The following PCK2 variants were observed in gnomAD, a reference collection of about 807,000 sequenced individuals.
PCK2 encodes phosphoenolpyruvate carboxykinase 2, mitochondrial.
PCK2 carries 56 observed loss-of-function variants against 65.9 expected under a neutral mutation model. The observed-to-expected ratio is 0.85, with a 90% CI of 0.69 to 1.06. The LOEUF (loss-of-function observed/expected upper bound fraction) is 1.06. Among genes scored for constraint, PCK2 ranks in the 50% least tolerant of loss-of-function variants. PCK2 has a pLI of 0.00. For synonymous variants in PCK2, 305 were observed against 319.6 expected (o/e 0.95, Z 0.49); for missense variants, 843 against 863.1 (o/e 0.98, Z 0.29).
rs1257913147 is a variant in PCK2 at position 24,102,736 on chromosome 14, T to C, written c.1235-17T>C. 1.5e-5 allele frequency: 24 copies of C among 1,608,180 alleles called. No homozygotes were observed. Among genetic ancestry groups the C allele is most frequent in the Admixed American group, 1.0e-4 (6 of 59,422 alleles). On this transcript the variant is annotated splice_polypyrimidine_tract_variant and intron_variant, in intron 7 of 9. Coordinates refer to ENST00000216780, the MANE Select transcript of PCK2 (RefSeq NM_004563.4). ...ACATGACCTTGGAAATAATAGTGTT[T>C]GTATTTCCTCTGCCAGGTGACAAGG...
At chr14:24,098,003 C>A (rs2036969126) in intron 2 of PCK2, among the ~76,000 whole-genome samples, 200 bp from the exon 3 acceptor site, 1 of 151,398 alleles carries the variant, frequency 6.6e-6, no homozygotes, top group Admixed American at 6.6e-5. Flanking sequence ...TTGCCAGGGG[C>A]AGAGACCCCC....
chr14:24,102,821 G>A lies in PCK2; in HGVS notation c.1303G>A (p.Asp435Asn), dbSNP rs369939667. 3 of 1,613,934 alleles carry A rather than the reference G, an allele frequency of 1.9e-6. No homozygotes were observed. The highest frequency in any genetic ancestry group is 2.5e-6 in the Non-Finnish European group (3 of 1,179,924). ...CCCGGCTCGCCAGTGCCCCATCATGGACCCAGCCTGGGAGGCCCCAGAGGG... is the reference window on the plus strand; with the variant it reads ...CCCGGCTCGCCAGTGCCCCATCATGAACCCAGCCTGGGAGGCCCCAGAGGG... ...CAPARQCPIM[D>N]PAWEAPEGVP... The change falls in exon 8 of 10, where the codon GAC (aspartate) becomes AAC (asparagine). Residue 435 changes from aspartate (D) to asparagine (N), a missense_variant. Asp to Asn is a conservative substitution (Grantham distance 23). Transcript: ENST00000216780.
chr14:24,100,458 G>C (rs528339551), intron 7 of PCK2: 2 of 916,484 alleles, frequency 2.2e-6, no homozygotes, highest in South Asian at 2.1e-5. Flanking sequence ...AGTTGAATGA[G>C]GGTAGTTGTG....
chr14:24,102,439 C>A (rs1419897946), intron 7 of PCK2, among the ~76,000 whole-genome samples: 1 of 152,142 alleles, frequency 6.6e-6, no homozygotes, highest in African/African-American at 2.4e-5. Flanking sequence ...ATGCCCATAT[C>A]TAACCCCATT....
rs1184779512 is a variant in PCK2, at chr14:24,099,401, T to C, written c.853-157T>C. On this transcript the variant is annotated intron_variant, in intron 5 of 9. Transcript: ENST00000216780. ...GCCTCAGGCTGCTGAATGTTGAGGT[T>C]TCCCCTGCCACTAACCCAGGCCTGA... Among the ~76,000 whole-genome samples, 3 of 152,234 alleles carry C rather than the reference T, an allele frequency of 2.0e-5. No individual in the cohort carries two copies. The East Asian group carries it at 5.8e-4, about 29-fold the overall frequency.
Position 24,094,462 on chromosome 14 carries a change from C to A in PCK2, c.29+28C>A. Reference sequence around the variant, plus strand: ...GAGTGACCCCCGGCCCGGGGCCCACCCGCACCTTCCGCTGCGCTCGCCCCC... The same window carrying A: ...GAGTGACCCCCGGCCCGGGGCCCACACGCACCTTCCGCTGCGCTCGCCCCC... On this transcript the variant is annotated intron_variant, in intron 1 of 9. Transcript: ENST00000216780. The surrounding 1 kb of genome is among the most constrained non-coding windows in gnomAD (Gnocchi z 4.1). 1 of 1,512,970 alleles carries A rather than the reference C, an allele frequency of 6.6e-7. No homozygotes were observed. Among genetic ancestry groups the A allele is most frequent in the Non-Finnish European group, 8.8e-7 (1 of 1,137,722 alleles). 93.7% of individuals were successfully genotyped at this position (1,512,970 alleles called of 1,614,324 possible).
At position 24,098,694 on chromosome 14, in the gene PCK2, G is replaced by A. The variant is rs767701370; in HGVS notation, c.664+16G>A. On this transcript the variant is annotated intron_variant, in intron 4 of 9. Transcript: ENST00000216780. ...ACAGGACAAGGTAAGCACCTGCTCT[G>A]CCCCAAGGGGAACACAGAGGCCTTC... 10 of 1,606,514 alleles carry A rather than the reference G, an allele frequency of 6.2e-6. No homozygotes were observed. In the Admixed American group the frequency reaches 1.5e-4, roughly 24 times the overall value.
At chr14:24,096,811 C>T in intron 1 of PCK2, 81 bp from the exon 2 acceptor site, 2 of 1,297,820 alleles carry the variant, frequency 1.5e-6, no homozygotes, top group Non-Finnish European at 2.2e-6. Context: ...AGGCTGCAGC[C>T]CAAGCTTTCT....
rs115287420 is a variant in PCK2, at chr14:24,095,679, G to A, written c.30-1213G>A. Among the ~76,000 whole-genome samples, 573 of 152,322 alleles carry A rather than the reference G, an allele frequency of 3.8e-3. 5 individuals carry two copies. Among genetic ancestry groups the A allele is most frequent in the African/African-American group, 0.013 (552 of 41,558 alleles). On this transcript the variant is annotated intron_variant, in intron 1 of 9. Coordinates refer to ENST00000216780, the MANE Select transcript of PCK2 (RefSeq NM_004563.4). ...TTCTGATGGGCGAGGCCTTGATAGAGGAGGAGAGTAACATCCCCTTCATGG... is the reference window on the plus strand; with the variant it reads ...TTCTGATGGGCGAGGCCTTGATAGAAGAGGAGAGTAACATCCCCTTCATGG...
chr14:24,102,660 A>G (rs1195182813), intron 7 of PCK2, 93 bp from the exon 8 acceptor site: 1 of 1,170,654 alleles, frequency 8.5e-7, no homozygotes, highest in Non-Finnish European at 1.2e-6. Context: ...GCAAAAAAAA[A>G]AAAAGAACCC....
rs201974284 is a variant in PCK2, at chr14:24,099,132, G to A, written c.748G>A (p.Gly250Ser). The A allele has an allele frequency of 9.4e-5, 152 of 1,612,224 alleles. No individual in the cohort carries two copies. Among genetic ancestry groups the A allele is most frequent in the Middle Eastern group, 1.6e-4 (1 of 6,062 alleles). Reference protein sequence around the residue: ...VPDQREIISFGSGYGGNSLLG... With the variant: ...VPDQREIISFSSGYGGNSLLG... ...CGACCAGCGGGAGATCATCTCCTTC[G>A]GCAGCGGCTATGGTGGCAACTCCCT... is the stretch of plus-strand genomic sequence containing the variant. The change falls in exon 5 of 10, where the codon GGC (glycine) becomes AGC (serine). Residue 250 changes from glycine to serine, a missense_variant. By Grantham distance (56) the Gly-to-Ser change is moderately conservative (BLOSUM62 0). Transcript: ENST00000216780.
In PCK2 at chr14:24,098,335, C is replaced by A; in HGVS notation, c.408C>A (p.Ser136=). 6.2e-7 allele frequency: 1 copy of A among 1,613,854 alleles called. No individual in the cohort carries two copies. ...GARGQLGNWM[S]PADFQRAVDE... ...GTGGGCAGCTGGGCAACTGGATGTCCCCAGCTGATTTCCAGCGAGCTGTGG... is the reference window on the plus strand; with the variant it reads ...GTGGGCAGCTGGGCAACTGGATGTCACCAGCTGATTTCCAGCGAGCTGTGG... Residue 136 remains serine (S), a synonymous_variant, in exon 3 of 10, where the codon TCC becomes TCA. Coordinates refer to ENST00000216780, the MANE Select transcript of PCK2 (RefSeq NM_004563.4).
At chr14:24,095,078 G>A (rs1181765815) in intron 1 of PCK2, 2 of 456,184 alleles carry the variant, frequency 4.4e-6, no homozygotes, top group African/African-American at 4.0e-5. Flanking sequence ...GAGCCCCCAG[G>A]CTCGTCCTGT....
chr14:24,096,746 C>T, intron 1 of PCK2, 146 bp from the exon 2 acceptor site: 1 of 717,626 alleles, frequency 1.4e-6, no homozygotes, highest in Non-Finnish European at 2.4e-6. Context: ...GAACACATCC[C>T]ACACACCAAC....
rs1464462213 is a variant in PCK2 at position 24,099,529 on chromosome 14, T to C, written c.853-29T>C. Reference sequence around the variant, plus strand: ...CATGCCCTGACTTTTGGTGACCTCTTTCTTATTCCCTCTCTCCCCAATGCA... The same window carrying C: ...CATGCCCTGACTTTTGGTGACCTCTCTCTTATTCCCTCTCTCCCCAATGCA... On this transcript the variant is annotated intron_variant, in intron 5 of 9. Coordinates refer to ENST00000216780, the MANE Select transcript of PCK2 (RefSeq NM_004563.4). The C allele has an allele frequency of 1.9e-6, 3 of 1,551,598 alleles. No homozygotes were observed. In the Admixed American group the frequency reaches 5.8e-5, roughly 30 times the overall value.
rs759687732 is a variant in PCK2, at chr14:24,103,717, G to A, written c.1676G>A (p.Cys559Tyr). 3 of 1,614,094 alleles carry A rather than the reference G, an allele frequency of 1.9e-6. No homozygotes were observed. The East Asian group carries it at 6.7e-5, about 36-fold the overall frequency. The change falls in exon 10 of 10, where the codon TGC (cysteine) becomes TAC (tyrosine). Residue 559 changes from cysteine (C) to tyrosine (Y), a missense_variant. Cys to Tyr is a radical substitution (Grantham distance 194). Transcript: ENST00000216780. ...AATGCTCGGGTGCTAGACTGGATCT[G>A]CCGGCGGTTAGAGGGGGAGGACAGT... ...GENARVLDWICRRLEGEDSAR... is the reference protein window; with the variant it reads ...GENARVLDWIYRRLEGEDSAR...
At chr14:24,103,392 C>CA in intron 9 of PCK2, 118 bp from the exon 10 acceptor site, 1 of 1,175,796 alleles carries the variant, frequency 8.5e-7, no homozygotes, top group East Asian at 2.4e-5. Flanking sequence ...ATCTTTTCCC[C>CA]ATCCCTGAAG....
Position 24,099,998 on chromosome 14 carries a change from G to A in PCK2, c.1019G>A (p.Arg340Gln), listed in dbSNP as rs754274488. The A allele has an allele frequency of 8.7e-6, 14 of 1,613,992 alleles. No individual in the cohort carries two copies. Among genetic ancestry groups the A allele is most frequent in the Middle Eastern group, 1.6e-4 (1 of 6,084 alleles). Residue 340 changes from arginine (R) to glutamine (Q), a missense_variant, in exon 7 of 10, where the codon CGA becomes CAA. Transcript: ENST00000216780. ...IAWMRFDSEG[R>Q]LRAINPENGF... ...TTTCTTTCACTTCTCCTAACAGGTC[G>A]ACTCCGGGCCATCAACCCTGAGAAC...
rs2037074262 is a variant in PCK2 at position 24,099,666 on chromosome 14, TG to T, written c.963del (p.Trp321Ter). 1 of 1,614,138 alleles carries T rather than the reference TG, an allele frequency of 6.2e-7. No homozygotes were observed. The highest frequency in any genetic ancestry group is 8.5e-7 in the Non-Finnish European group (1 of 1,179,966). On this transcript the variant is annotated frameshift_variant, in exon 6 of 10. Coordinates refer to ENST00000216780, the MANE Select transcript of PCK2 (RefSeq NM_004563.4). LOFTEE classifies it high-confidence loss of function. ...LAMMRPALPG[W>X]KVECVGDDIA... is the part of the protein sequence containing the mutation. ...TATGATGCGGCCTGCACTGCCAGGC[TG>T]GAAAGTGGAGTGTGTGGGGGATGAT...
Sources: allele counts gnomAD v4.1 joint callset (sites outside exome capture counted in the v4.1 genomes callset), GRCh38; gene constraint gnomAD v4.1.1; non-coding constraint Gnocchi (gnomAD v3.1); transcripts MANE v1.5; gene names NCBI Gene and HGNC (gene_info 2026-07-23, HGNC 2026-07-21).